Variants in FIP1L1 observed in about 807,000 individuals in gnomAD.
The protein encoded by FIP1L1 is pre-mRNA 3'-end-processing factor FIP1.
A neutral mutation model predicts 84.6 loss-of-function variants in FIP1L1; 21 were observed. The observed-to-expected ratio is 0.25, with a 90% CI of 0.18 to 0.36. The LOEUF (loss-of-function observed/expected upper bound fraction) is 0.36, where lower values mean the gene tolerates loss of function less well. FIP1L1 is among the 10% of genes least tolerant of loss of function. The pLI is 1.00. For synonymous variants in FIP1L1, 263 were observed against 242.3 expected (o/e 1.09, Z -0.80); for missense variants, 526 against 751.1 (o/e 0.70, Z 3.50).
intron 3 of FIP1L1, among the ~76,000 whole-genome samples, chr4:53,380,402 G>C (rs924733406): frequency 1.3e-5 from 2 of 152,232 alleles, no homozygotes; most frequent in Non-Finnish European, 2.9e-5. Context: ...TGGTTACTAA[G>C]AGTTGGGTGA....
Position 53,442,635 on chromosome 4 carries a change from TATGATTGA to T in FIP1L1, c.1175-14_1175-7del. The stretch of plus-strand genomic sequence containing the variant: ...TGTACATTGTTAACATTTTTTATCT[TATGATTGA>T]ATGTTTCAGGTTTTCCTCCTCCACC... On this transcript the variant is annotated splice_polypyrimidine_tract_variant and intron_variant, in intron 13 of 17. Coordinates refer to ENST00000337488, the MANE Select transcript of FIP1L1 (RefSeq NM_030917.4). The T allele has an allele frequency of 1.3e-6, 2 of 1,572,362 alleles. No individual in the cohort carries two copies. The highest frequency in any genetic ancestry group is 1.3e-5 in the African/African-American group (1 of 74,106).
At chr4:53,427,474 C>A (rs1764778471) in intron 12 of FIP1L1, among the ~76,000 whole-genome samples, 1 of 152,174 alleles carries the variant, frequency 6.6e-6, no homozygotes, top group African/African-American at 2.4e-5. Flanking sequence ...CTTAAAGTTA[C>A]AAGGCTCACA....
chr4:53,405,326 C>T (rs9687092), intron 10 of FIP1L1, among the ~76,000 whole-genome samples: 17,788 of 151,796 alleles, frequency 0.12, 1,132 homozygotes, highest in East Asian at 0.16. Flanking sequence ...TGTAGACATG[C>T]GGCATTATTT....
chr4:53,389,359 CTA>C (rs1742897228), intron 5 of FIP1L1, among the ~76,000 whole-genome samples: 1 of 152,076 alleles, frequency 6.6e-6, no homozygotes. Context: ...GGGGTGTAAA[CTA>C]TTTTTCCCTT....
At chr4:53,420,805 T>C (rs1762109665) in intron 11 of FIP1L1, among the ~76,000 whole-genome samples, 2 of 152,100 alleles carry the variant, frequency 1.3e-5, no homozygotes, top group African/African-American at 4.8e-5. Flanking sequence ...AACTAAAAGA[T>C]CTGTAGAAAA....
In FIP1L1 at chr4:53,414,666, T is replaced by C; in HGVS notation, c.867T>C (p.Asn289=). The C allele has an allele frequency of 6.2e-7, 1 of 1,613,484 alleles. No individual in the cohort carries two copies. The highest frequency in any genetic ancestry group is 1.1e-5 in the South Asian group (1 of 91,032). Reference sequence around the variant, plus strand: ...CAAGTACTGCCTCCAGAAAAGCCAATTCAAGCGTTGGGAAGTGGCAGGATC... The same window carrying C: ...CAAGTACTGCCTCCAGAAAAGCCAACTCAAGCGTTGGGAAGTGGCAGGATC... The part of the protein sequence containing the change: ...SQTSTASRKA[N]SSVGKWQDRY... The change falls in exon 11 of 18, where the codon AAT becomes AAC. Residue 289 remains asparagine, a synonymous_variant. Transcript: ENST00000337488.
chr4:53,409,949 A>C (rs1373470228), intron 10 of FIP1L1, among the ~76,000 whole-genome samples: 1 of 152,226 alleles, frequency 6.6e-6, no homozygotes, highest in East Asian at 1.9e-4. Context: ...TTCCTGAGTG[A>C]GGCAATGCCT....
At chr4:53,383,198 T>A (rs1283591287) in intron 4 of FIP1L1, among the ~76,000 whole-genome samples, 1 of 152,092 alleles carries the variant, frequency 6.6e-6, no homozygotes, top group Admixed American at 6.5e-5. Context: ...GGGGCAGATA[T>A]GATAGTTAAA....
chr4:53,390,462 A>C (rs377306119), intron 6 of FIP1L1, 59 bp from the exon 7 acceptor site: 38 of 990,904 alleles, frequency 3.8e-5, no homozygotes, highest in Middle Eastern at 2.1e-4. Context: ...CTGTTTGTCT[A>C]TGGTATCGCC....
At chr4:53,452,450 C>T (rs1417653536) in intron 15 of FIP1L1, among the ~76,000 whole-genome samples, 2 of 152,080 alleles carry the variant, frequency 1.3e-5, no homozygotes, top group African/African-American at 4.8e-5. Context: ...TCCCAAATAG[C>T]CGGGATTACC....
rs1719629738 is a variant in FIP1L1 at position 53,457,219 on chromosome 4, T to TAATA, written c.1500-1433_1500-1430dup. ...AACCGAGGTTTAGAGAGGTAATAGG[T>TAATA]AATAGCCTCGGTCACTCATTTAGTA... is the stretch of plus-strand genomic sequence containing the variant. On this transcript the variant is annotated intron_variant, in intron 16 of 17. Coordinates refer to ENST00000337488, the MANE Select transcript of FIP1L1 (RefSeq NM_030917.4). 2.0e-5 allele frequency among the ~76,000 whole-genome samples: 3 copies of TAATA among 152,186 alleles called. No individual in the cohort carries two copies. The South Asian group carries it at 6.2e-4, about 32-fold the overall frequency.
At chr4:53,386,945 A>G (rs532755512) in intron 5 of FIP1L1, among the ~76,000 whole-genome samples, 21 of 152,320 alleles carry the variant, frequency 1.4e-4, no homozygotes, top group African/African-American at 4.8e-4. Context: ...AGAAACAGAA[A>G]CTAAGGACTC....
At chr4:53,399,503 A>G (rs1749136482) in intron 9 of FIP1L1, among the ~76,000 whole-genome samples, 1 of 152,228 alleles carries the variant, frequency 6.6e-6, no homozygotes, top group South Asian at 2.1e-4. Context: ...TCTAAGTGTT[A>G]TTAATGTGAA....
At chr4:53,444,619 A>C (rs1461322947) in intron 15 of FIP1L1, among the ~76,000 whole-genome samples, 1 of 152,066 alleles carries the variant, frequency 6.6e-6, no homozygotes, top group Non-Finnish European at 1.5e-5. Context: ...TTTTGGAGAC[A>C]GAGTCTTGTC....
At chr4:53,385,543 T>A (rs1020577029) in intron 5 of FIP1L1, among the ~76,000 whole-genome samples, 1 of 152,150 alleles carries the variant, frequency 6.6e-6, no homozygotes, top group African/African-American at 2.4e-5. Context: ...GAGTTTTCTA[T>A]TCCTCACATT....
chr4:53,459,177 G>C lies in FIP1L1; in HGVS notation c.1638-125G>C, dbSNP rs555717892. 3.0e-4 allele frequency: 212 copies of C among 702,512 alleles called. No homozygotes were observed. The South Asian group carries it at 3.3e-3, about 11-fold the overall frequency. 43.5% of individuals were successfully genotyped at this position (702,512 alleles called of 1,614,324 possible). On this transcript the variant is annotated intron_variant, in intron 17 of 17. Coordinates refer to ENST00000337488, the MANE Select transcript of FIP1L1 (RefSeq NM_030917.4). ...TGATTATTCCTCACATTATATTTATGAGAAAATGCATTAGATTATTTTAAA... is the reference window on the plus strand; with the variant it reads ...TGATTATTCCTCACATTATATTTATCAGAAAATGCATTAGATTATTTTAAA...
At chr4:53,457,304 C>T (rs572195888) in intron 16 of FIP1L1, among the ~76,000 whole-genome samples, 1 of 152,226 alleles carries the variant, frequency 6.6e-6, no homozygotes, top group African/African-American at 2.4e-5. Context: ...CTGCTCCTCT[C>T]TACTGACTGG....
At chr4:53,431,720 TAGAA>T (rs1461092683) in intron 13 of FIP1L1, among the ~76,000 whole-genome samples, 1 of 152,220 alleles carries the variant, frequency 6.6e-6, no homozygotes, top group Non-Finnish European at 1.5e-5. Flanking sequence ...TATTCATTCT[TAGAA>T]AGAAATTCCC....
At chr4:53,429,329 T>A (rs1765599811) in intron 13 of FIP1L1, among the ~76,000 whole-genome samples, 1 of 152,210 alleles carries the variant, frequency 6.6e-6, no homozygotes, top group African/African-American at 2.4e-5. Context: ...ATTTCTAATT[T>A]CAGTGAATTT....
Sources: allele counts gnomAD v4.1 joint callset (sites outside exome capture counted in the v4.1 genomes callset), GRCh38; gene constraint gnomAD v4.1.1; transcripts MANE v1.5; gene names NCBI Gene and HGNC (gene_info 2026-07-23, HGNC 2026-07-21).